Variants in PLCL1 observed in about 807,000 individuals in gnomAD.
The protein encoded by PLCL1 is phospholipase C like 1 (inactive).
PLCL1 carries 41 observed loss-of-function variants against 84.4 expected under a neutral mutation model. The observed-to-expected ratio is 0.49, with a 90% CI of 0.38 to 0.63. The LOEUF (loss-of-function observed/expected upper bound fraction) is 0.63, where lower values mean the gene tolerates loss of function less well. PLCL1 is among the 30% of genes least tolerant of loss of function. The pLI is 0.00. For missense variants in PLCL1, 1,206 were observed against 1,367.8 expected (o/e 0.88, Z 1.87); for synonymous variants, 490 against 488.3 (o/e 1.00, Z -0.05).
At chr2:197,956,685 T>G (rs1689502306) in intron 1 of PLCL1, among the ~76,000 whole-genome samples, 1 of 152,082 alleles carries the variant, frequency 6.6e-6, no homozygotes, top group African/African-American at 2.4e-5. Context: ...TGTCGAGCTT[T>G]TTTTCATATG....
intron 1 of PLCL1, among the ~76,000 whole-genome samples, chr2:197,839,241 C>T (rs1338522027): frequency 1.3e-5 from 2 of 152,168 alleles, no homozygotes; most frequent in East Asian, 1.9e-4. Flanking sequence ...TCTTTGAAAA[C>T]AACCTTTAGA....
chr2:197,970,540 C>G (rs10204166), intron 1 of PLCL1, among the ~76,000 whole-genome samples: 73,415 of 151,986 alleles, frequency 0.48, 18,138 homozygotes, highest in Middle Eastern at 0.58. Context: ...AGTATGTGAA[C>G]TATCTCAATA....
In PLCL1 at chr2:198,089,070, T is replaced by C. The variant is rs1167702804; in HGVS notation, c.2919+9T>C. On this transcript the variant is annotated intron_variant, in intron 3 of 5. Transcript: ENST00000428675. Reference sequence around the variant, plus strand: ...TGACTGCTTATGATCTGGTAGGAAATTGCGACTCCATATTTTTTTACGTGT... The same window carrying C: ...TGACTGCTTATGATCTGGTAGGAAACTGCGACTCCATATTTTTTTACGTGT... The C allele has an allele frequency of 6.2e-6, 10 of 1,606,146 alleles. No individual in the cohort carries two copies. Among genetic ancestry groups the C allele is most frequent in the African/African-American group, 1.3e-5 (1 of 74,728 alleles).
intron 1 of PLCL1, among the ~76,000 whole-genome samples, chr2:197,894,941 CTCTT>C (rs1452764357): frequency 6.6e-6 from 1 of 151,902 alleles, no homozygotes; most frequent in African/African-American, 2.4e-5. Flanking sequence ...TGTTTTAACT[CTCTT>C]TCTTTCTAGT....
At chr2:197,842,706 C>T (rs766596282) in intron 1 of PLCL1, among the ~76,000 whole-genome samples, 1 of 152,092 alleles carries the variant, frequency 6.6e-6, no homozygotes, top group Non-Finnish European at 1.5e-5. Flanking sequence ...TTTCTCAGAT[C>T]CACAATCAAC....
intron 3 of PLCL1, 97 bp downstream of exon 3, chr2:198,089,158 G>A: frequency 1.2e-6 from 1 of 853,800 alleles, no homozygotes; most frequent in South Asian, 1.4e-5. Context: ...ATAACACAGG[G>A]TGACTACCTT....
chr2:197,969,185 T>G (rs1689808001), intron 1 of PLCL1, among the ~76,000 whole-genome samples: 1 of 152,190 alleles, frequency 6.6e-6, no homozygotes. Context: ...ATGGAAAAAT[T>G]ATCTTCCATG....
chr2:197,960,238 T>C (rs1012078112), intron 1 of PLCL1, among the ~76,000 whole-genome samples: 3 of 152,082 alleles, frequency 2.0e-5, no homozygotes, highest in Admixed American at 1.3e-4. Flanking sequence ...GTGGGGTCAC[T>C]AGATAAAAAG....
intron 3 of PLCL1, among the ~76,000 whole-genome samples, chr2:198,094,481 T>C (rs1693140951): frequency 1.3e-5 from 2 of 149,074 alleles, no homozygotes; most frequent in South Asian, 4.3e-4. Context: ...TGGCAGAATT[T>C]CAGAAGAAAG....
At chr2:197,836,446 CAAAAAAA>C (rs35510400) in intron 1 of PLCL1, among the ~76,000 whole-genome samples, 768 of 34,478 alleles carry the variant, frequency 0.022, no homozygotes, top group African/African-American at 0.075. Context: ...GACTCCGTCT[CAAAAAAA>C]AAAAAAAAAA....
intron 5 of PLCL1, among the ~76,000 whole-genome samples, chr2:198,111,318 A>C (rs1381895343): frequency 2.0e-5 from 3 of 151,898 alleles, no homozygotes; most frequent in Non-Finnish European, 4.4e-5. Flanking sequence ...AATGGTCTTT[A>C]AAAGCTTCTG....
chr2:198,019,248 A>G (rs1691075911), intron 1 of PLCL1, among the ~76,000 whole-genome samples: 1 of 152,256 alleles, frequency 6.6e-6, no homozygotes, highest in Non-Finnish European at 1.5e-5. Flanking sequence ...AGCAAAGACC[A>G]AAGGTAGATA....
At chr2:198,103,797 T>A (rs1315513421) in intron 4 of PLCL1, 30 bp from the exon 5 acceptor site, 1 of 1,176,096 alleles carries the variant, frequency 8.5e-7, no homozygotes, top group Non-Finnish European at 1.2e-6. Flanking sequence ...AGATATATAC[T>A]CAGATTTCTT....
chr2:198,042,590 A>G (rs972544206), intron 1 of PLCL1, among the ~76,000 whole-genome samples: 2 of 152,294 alleles, frequency 1.3e-5, no homozygotes, highest in East Asian at 1.9e-4. Flanking sequence ...GATAACCTCA[A>G]AGTTTCTAAT....
chr2:198,060,304 A>G (rs1044422703), intron 1 of PLCL1, among the ~76,000 whole-genome samples: 3 of 152,218 alleles, frequency 2.0e-5, no homozygotes, highest in African/African-American at 7.2e-5. Context: ...ATTCAGCAGA[A>G]AATTTATGAT....
In PLCL1 at chr2:197,859,030, G is replaced by A. The variant is rs527393747; in HGVS notation, c.240+53691G>A. Among the ~76,000 whole-genome samples, 6 of 152,262 alleles carry A rather than the reference G, an allele frequency of 3.9e-5. No individual in the cohort carries two copies. The East Asian group carries it at 7.7e-4, about 20-fold the overall frequency. The stretch of plus-strand genomic sequence containing the variant: ...AGAGAAAACTGGAAGGCCTCGTGAC[G>A]TCTATGCTTAGAACTCCCACTTGTG... On this transcript the variant is annotated intron_variant, in intron 1 of 5. Coordinates refer to ENST00000428675, the MANE Select transcript of PLCL1 (RefSeq NM_006226.4).
chr2:197,951,136 A>G (rs958895531), intron 1 of PLCL1, among the ~76,000 whole-genome samples: 1 of 152,174 alleles, frequency 6.6e-6, no homozygotes, highest in Non-Finnish European at 1.5e-5. Flanking sequence ...CTTATGGTCC[A>G]TGATTAAGTT....
chr2:197,928,094 C>T (rs374286139), intron 1 of PLCL1, among the ~76,000 whole-genome samples: 2 of 152,074 alleles, frequency 1.3e-5, no homozygotes, highest in East Asian at 3.8e-4. Context: ...GCATATATTT[C>T]AACCAAAGGT....
Position 198,018,933 on chromosome 2 carries a change from C to A in PLCL1, c.241-64825C>A, listed in dbSNP as rs190221092. Among the ~76,000 whole-genome samples, 162 of 152,302 alleles carry A rather than the reference C, an allele frequency of 1.1e-3. 1 individual carries two copies. The highest frequency in any genetic ancestry group is 3.8e-3 in the African/African-American group (159 of 41,560). The stretch of plus-strand genomic sequence containing the variant: ...GGTCCCTGACCCTTGTGCCTTCTGA[C>A]GGGGAAATATCTCCCAGCAGGGGTC... On this transcript the variant is annotated intron_variant, in intron 1 of 5. Coordinates refer to ENST00000428675, the MANE Select transcript of PLCL1 (RefSeq NM_006226.4).
Sources: gnomAD v4.1 joint callset for allele counts (sites outside exome capture counted in the v4.1 genomes callset) on GRCh38, gnomAD v4.1.1 for gene constraint, MANE v1.5 for transcripts, NCBI Gene and HGNC (gene_info 2026-07-23, HGNC 2026-07-21) for gene names.